The following BBS9 variants were observed in gnomAD, a reference collection of about 807,000 sequenced individuals.
BBS9 encodes Bardet-Biedl syndrome 9.
Under a neutral mutation model 117.7 loss-of-function variants are expected in BBS9, and 89 were observed. That is an observed-to-expected ratio of 0.76 (90% CI 0.64 to 0.90). The LOEUF is 0.90. Among genes scored for constraint, BBS9 ranks in the 40% least tolerant of loss-of-function variants. The pLI, the probability that BBS9 is intolerant of heterozygous loss-of-function variation, is 0.00. For missense variants in BBS9, 982 were observed against 1,042.2 expected (o/e 0.94, Z 0.80); for synonymous variants, 379 against 370.9 (o/e 1.02, Z -0.25).
Position 33,198,363 on chromosome 7 carries a change from A to G in BBS9, c.442+20772A>G, listed in dbSNP as rs192908502. Among the ~76,000 whole-genome samples, 316 of 152,118 alleles carry G rather than the reference A, an allele frequency of 2.1e-3. 1 individual carries two copies. Among genetic ancestry groups the G allele is most frequent in the African/African-American group, 7.2e-3 (301 of 41,556 alleles). On this transcript the variant is annotated intron_variant, in intron 5 of 22. Transcript: ENST00000242067. ...GTTCATTGTCCTAAAGATGAAATTT[A>G]TATAAGGTTTTGGAAGGCAGGATTT...
chr7:33,368,290 C>T (rs1002986940), intron 17 of BBS9, among the ~76,000 whole-genome samples: 4 of 152,086 alleles, frequency 2.6e-5, no homozygotes, highest in African/African-American at 9.7e-5. Flanking sequence ...TCATTTTGGA[C>T]ATTGGCAAAG....
intron 4 of BBS9, among the ~76,000 whole-genome samples, chr7:33,164,848 T>C (rs1795414218): frequency 6.6e-6 from 1 of 152,212 alleles, no homozygotes. Flanking sequence ...AATATTGTTA[T>C]GTGTGAATTT....
intron 4 of BBS9, among the ~76,000 whole-genome samples, chr7:33,166,970 C>T (rs759245104): frequency 3.9e-5 from 6 of 152,204 alleles, no homozygotes; most frequent in East Asian, 1.9e-4. Context: ...GTGTCAGTCA[C>T]GCTGGGAGCT....
chr7:33,550,150 A>T (rs1854145410), intron 21 of BBS9, among the ~76,000 whole-genome samples: 2 of 152,190 alleles, frequency 1.3e-5, no homozygotes, highest in African/African-American at 2.4e-5. Context: ...TACAATAAAC[A>T]TACTTCCTGT....
intron 19 of BBS9, among the ~76,000 whole-genome samples, chr7:33,466,937 T>G (rs13241465): frequency 0.75 from 114,182 of 151,868 alleles, 43,348 homozygotes; most frequent in African/African-American, 0.85. Flanking sequence ...CGGTTTCTGA[T>G]GTAGCTTCCC....
chr7:33,265,847 TA>T (rs1449998132), intron 7 of BBS9, among the ~76,000 whole-genome samples: 1 of 151,650 alleles, frequency 6.6e-6, no homozygotes. Context: ...CGTCTCAAAA[TA>T]AAAAAAGTTG....
In BBS9 at chr7:33,569,099, G is replaced by A. The variant is rs560302497; in HGVS notation, c.2521+34923G>A. On this transcript the variant is annotated intron_variant, in intron 21 of 22. Transcript: ENST00000242067. ...AATTGGATACAAAAATATAACAGAT[G>A]AGCCTGACTTTATTGTGAATTGATA... 2.6e-5 allele frequency among the ~76,000 whole-genome samples: 4 copies of A among 152,212 alleles called. No homozygotes were observed. The East Asian group carries it at 5.8e-4, about 22-fold the overall frequency.
At chr7:33,514,748 C>G (rs1847484503) in intron 20 of BBS9, among the ~76,000 whole-genome samples, 1 of 152,152 alleles carries the variant, frequency 6.6e-6, no homozygotes, top group Non-Finnish European at 1.5e-5. Context: ...AATTAAACCA[C>G]ACATTGAGTT....
downstream of BBS9, among the ~76,000 whole-genome samples, chr7:33,610,723 T>C (rs1038620569): frequency 6.6e-6 from 1 of 152,098 alleles, no homozygotes; most frequent in African/African-American, 2.4e-5. Context: ...TTCCCTTAAA[T>C]ATACTATAGG....
chr7:33,316,690 G>A (rs139065442), intron 9 of BBS9, among the ~76,000 whole-genome samples: 53 of 152,004 alleles, frequency 3.5e-4, no homozygotes, highest in African/African-American at 9.6e-4. Flanking sequence ...TTTATACTTC[G>A]CTCTGTGAAA....
chr7:33,339,718 C>T (rs1419357756), intron 10 of BBS9, among the ~76,000 whole-genome samples: 1 of 152,086 alleles, frequency 6.6e-6, no homozygotes, highest in East Asian at 1.9e-4. Flanking sequence ...GAATAGCTTT[C>T]CCAGAAACAT....
At chr7:33,254,444 A>G (rs1420308009) in intron 5 of BBS9, among the ~76,000 whole-genome samples, 3 of 152,164 alleles carry the variant, frequency 2.0e-5, no homozygotes, top group Non-Finnish European at 4.4e-5. Context: ...ATATACATAT[A>G]CATTGTGTAA....
intron 19 of BBS9, among the ~76,000 whole-genome samples, chr7:33,391,644 G>A (rs1012501692): frequency 2.6e-5 from 4 of 151,898 alleles, no homozygotes; most frequent in African/African-American, 9.7e-5. Context: ...ATGTTAATTG[G>A]CCATTTGTAT....
At chr7:33,582,791 A>G (rs1860205541) in intron 21 of BBS9, among the ~76,000 whole-genome samples, 1 of 152,076 alleles carries the variant, frequency 6.6e-6, no homozygotes, top group Admixed American at 6.6e-5. Context: ...TCTTAATTTA[A>G]ACTTGGCAAC....
intron 21 of BBS9, among the ~76,000 whole-genome samples, chr7:33,624,525 G>T (rs1017127193): frequency 6.6e-6 from 1 of 152,160 alleles, no homozygotes; most frequent in Non-Finnish European, 1.5e-5. Context: ...AACTTTCCAT[G>T]TGTTTTCTTT....
chr7:33,221,245 T>A (rs971027352), intron 5 of BBS9, among the ~76,000 whole-genome samples: 2 of 152,224 alleles, frequency 1.3e-5, no homozygotes, highest in African/African-American at 4.8e-5. Flanking sequence ...AACATTTCTT[T>A]CTTGAGATCA....
At chr7:33,238,330 G>A (rs535955712) in intron 5 of BBS9, among the ~76,000 whole-genome samples, 2 of 151,892 alleles carry the variant, frequency 1.3e-5, no homozygotes, top group Admixed American at 6.6e-5. Flanking sequence ...CGCTCTTGCT[G>A]TCCAGGCTGG....
At chr7:33,281,821 A>G (rs1177635051) in intron 9 of BBS9, among the ~76,000 whole-genome samples, 1 of 151,640 alleles carries the variant, frequency 6.6e-6, no homozygotes, top group African/African-American at 2.4e-5. Flanking sequence ...TAAAATTATT[A>G]TTATTATTTT....
At chr7:33,514,092 A>G (rs1252012442) in intron 20 of BBS9, among the ~76,000 whole-genome samples, 1 of 152,238 alleles carries the variant, frequency 6.6e-6, no homozygotes, top group Admixed American at 6.5e-5. Context: ...GCAAAATATA[A>G]ACTGTGGCAT....
Sources: allele counts gnomAD v4.1 joint callset (sites outside exome capture counted in the v4.1 genomes callset), GRCh38; gene constraint gnomAD v4.1.1; transcripts MANE v1.5; gene names NCBI Gene and HGNC (gene_info 2026-07-23, HGNC 2026-07-21).